ACOXL: variants seen among roughly 807,000 people sequenced by gnomAD.
The protein encoded by ACOXL is acyl-CoA oxidase like.
A neutral mutation model predicts 71.9 loss-of-function variants in ACOXL; 70 were observed. That is an observed-to-expected ratio of 0.97 (90% confidence interval 0.80 to 1.19). The LOEUF is 1.19. Ranked by LOEUF, ACOXL falls within the 50% of genes most tolerant of loss-of-function variation. The probability of loss-of-function intolerance (pLI) is 0.00; values close to 1 mark genes in which losing one functional copy is unlikely to be tolerated. For missense variants in ACOXL, 703 were observed against 736.3 expected (o/e 0.95, Z 0.52); for synonymous variants, 253 against 281.6 (o/e 0.90, Z 1.02).
chr2:110,770,321 G>A (rs1681734269), intron 2 of ACOXL, among the ~76,000 whole-genome samples: 1 of 152,192 alleles, frequency 6.6e-6, no homozygotes, highest in Non-Finnish European at 1.5e-5. Context: ...CTTGAAAGTA[G>A]ATCCCTCTCC....
intron 14 of ACOXL, among the ~76,000 whole-genome samples, chr2:111,008,569 C>T (rs549562715): frequency 2.4e-4 from 37 of 152,254 alleles, no homozygotes; most frequent in Admixed American, 3.9e-4. Context: ...TTACAAACAA[C>T]GTTACAGTGA....
chr2:111,089,314 C>G (rs1002393364), intron 16 of ACOXL, among the ~76,000 whole-genome samples: 1 of 152,220 alleles, frequency 6.6e-6, no homozygotes, highest in East Asian at 1.9e-4. Flanking sequence ...AACAAACAAA[C>G]AAACAAACAA....
At chr2:111,114,788 G>A (rs2070230429) in intron 17 of ACOXL, among the ~76,000 whole-genome samples, 1 of 151,872 alleles carries the variant, frequency 6.6e-6, no homozygotes. Flanking sequence ...AAACTGTAGG[G>A]AGAGTCAAAA....
At chr2:110,872,499 T>C (rs1267508547) in intron 10 of ACOXL, among the ~76,000 whole-genome samples, 2 of 152,226 alleles carry the variant, frequency 1.3e-5, no homozygotes, top group African/African-American at 4.8e-5. Flanking sequence ...TCTCCCAACC[T>C]TCACAAAACT....
intron 14 of ACOXL, chr2:111,016,661 A>T (rs1304646407): frequency 3.3e-5 from 5 of 152,394 alleles, no homozygotes; most frequent in African/African-American, 4.8e-5. Flanking sequence ...GCCCCGTGCT[A>T]GGCACTTTGC....
At chr2:110,806,752 G>C (rs936322249) in intron 9 of ACOXL, among the ~76,000 whole-genome samples, 1 of 152,146 alleles carries the variant, frequency 6.6e-6, no homozygotes, top group African/African-American at 2.4e-5. Context: ...GGTGGTCAGC[G>C]GCCAGGCAGG....
At chr2:110,915,981 A>G (rs1216152135) in intron 11 of ACOXL, among the ~76,000 whole-genome samples, 4 of 152,076 alleles carry the variant, frequency 2.6e-5, no homozygotes, top group African/African-American at 7.2e-5. Context: ...CTAAGATGGT[A>G]TGGATATGGG....
intron 14 of ACOXL, among the ~76,000 whole-genome samples, chr2:111,013,700 C>T (rs2064288680): frequency 6.6e-6 from 1 of 151,942 alleles, no homozygotes; most frequent in Non-Finnish European, 1.5e-5. Flanking sequence ...ACAAAGAAAG[C>T]TCCAGGTCCA....
In ACOXL at chr2:110,799,107, C is replaced by T; in HGVS notation, c.547+7C>T. On this transcript the variant is annotated splice_region_variant and intron_variant, in intron 7 of 17. Coordinates refer to ENST00000439055, the MANE Select transcript of ACOXL (RefSeq NM_001142807.4). ...GATATGATGTACAAGGAGGGTGAGT[C>T]CCCAGGTGCCCTTTTCCTGTGCTCA... 6.2e-7 allele frequency: 1 copy of T among 1,612,896 alleles called. No individual in the cohort carries two copies. Among genetic ancestry groups the T allele is most frequent in the Non-Finnish European group, 8.5e-7 (1 of 1,179,082 alleles).
intron 12 of ACOXL, among the ~76,000 whole-genome samples, chr2:110,948,274 G>A (rs1309828628): frequency 4.6e-5 from 7 of 152,182 alleles, no homozygotes; most frequent in Middle Eastern, 3.2e-3. Context: ...TAATCCATCC[G>A]GGCAGCGACT....
chr2:110,989,655 A>G (rs2063087587), intron 13 of ACOXL, among the ~76,000 whole-genome samples: 1 of 152,204 alleles, frequency 6.6e-6, no homozygotes, highest in South Asian at 2.1e-4. Context: ...GTAGAGTTTC[A>G]GTTTGGGAAG....
At chr2:110,759,677 G>A (rs563963182) in intron 1 of ACOXL, among the ~76,000 whole-genome samples, 1 of 152,046 alleles carries the variant, frequency 6.6e-6, no homozygotes, top group East Asian at 1.9e-4. Context: ...TACTTCCATG[G>A]GTTTAGAGTT....
At chr2:111,003,222 T>C (rs1219534028) in intron 14 of ACOXL, among the ~76,000 whole-genome samples, 2 of 151,768 alleles carry the variant, frequency 1.3e-5, no homozygotes, top group Non-Finnish European at 1.5e-5. Flanking sequence ...ACGTTAGGCA[T>C]GTGGGGTGGT....
chr2:111,064,435 C>CA (rs34617136), intron 16 of ACOXL, among the ~76,000 whole-genome samples: 35,114 of 83,906 alleles, frequency 0.42, 6,599 homozygotes, highest in Admixed American at 0.44. Flanking sequence ...CACTCCATCT[C>CA]AAAAAAAAAA....
At position 111,114,908 on chromosome 2, in the gene ACOXL, G is replaced by GT. The variant is rs532582418; in HGVS notation, c.1543-2707dup. Among the ~76,000 whole-genome samples, 84 of 151,902 alleles carry GT rather than the reference G, an allele frequency of 5.5e-4. 1 individual carries two copies. In the South Asian group the frequency reaches 0.017, roughly 30 times the overall value. ...ATACATATTAATATAGTCAAACACA[G>GT]TGTCATCCCTTGAGGGCTGAGTGCT... is the stretch of plus-strand genomic sequence containing the variant. On this transcript the variant is annotated intron_variant, in intron 17 of 17. Transcript: ENST00000439055.
chr2:110,878,556 A>G (rs1446422396), intron 10 of ACOXL, among the ~76,000 whole-genome samples: 1 of 152,132 alleles, frequency 6.6e-6, no homozygotes, highest in East Asian at 1.9e-4. Context: ...TAAGGTCAGG[A>G]GTTCAAGACT....
chr2:110,766,493 G>A (rs960762004), intron 1 of ACOXL, among the ~76,000 whole-genome samples: 1 of 152,098 alleles, frequency 6.6e-6, no homozygotes, highest in East Asian at 1.9e-4. Flanking sequence ...CTCCCCACTG[G>A]GCTGAGCTGC....
At position 111,012,835 on chromosome 2, in the gene ACOXL, T is replaced by G. The variant is rs182291986; in HGVS notation, c.1281+16831T>G. Among the ~76,000 whole-genome samples, 439 of 152,344 alleles carry G rather than the reference T, an allele frequency of 2.9e-3. 6 individuals are homozygous for G. The highest frequency in any genetic ancestry group is 3.6e-3 in the Non-Finnish European group (245 of 68,030). ...GAGGGAAATTCATAGCTTGAAATGC[T>G]TATCTTAGAAAATATTTTTAAAAAG... On this transcript the variant is annotated intron_variant, in intron 14 of 17. Transcript: ENST00000439055.
chr2:110,782,739 G>A (rs775009906), intron 2 of ACOXL, among the ~76,000 whole-genome samples: 9 of 152,240 alleles, frequency 5.9e-5, no homozygotes, highest in Non-Finnish European at 1.0e-4. Flanking sequence ...CTCCTGCACT[G>A]ACAGTGTTCG....
Sources: allele counts gnomAD v4.1 joint callset (sites outside exome capture counted in the v4.1 genomes callset), GRCh38; gene constraint gnomAD v4.1.1; transcripts MANE v1.5; gene names NCBI Gene and HGNC (gene_info 2026-07-23, HGNC 2026-07-21).